Variants in CNTN4 observed in about 807,000 individuals in gnomAD.
The protein encoded by CNTN4 is contactin 4, also known as contactin-4.
CNTN4 carries 77 observed loss-of-function variants against 122.5 expected under a neutral mutation model. That is an observed-to-expected ratio of 0.63 (90% confidence interval 0.52 to 0.76). The LOEUF is 0.76. Ranked by LOEUF, CNTN4 falls within the 30% of genes least tolerant of loss-of-function variation. The pLI is 0.00. For synonymous variants in CNTN4, 512 were observed against 447.0 expected (o/e 1.15, Z -1.83); for missense variants, 1,256 against 1,259.1 (o/e 1.00, Z 0.04).
chr3:2,103,918 A>C (rs73804666), intron 2 of CNTN4, among the ~76,000 whole-genome samples: 1,932 of 152,288 alleles, frequency 0.013, 43 homozygotes, highest in African/African-American at 0.044. Context: ...CAGTGGCTGC[A>C]GTGGAAATGT....
chr3:2,170,181 C>CATA (rs1456702542), intron 2 of CNTN4, among the ~76,000 whole-genome samples: 4 of 138,060 alleles, frequency 2.9e-5, no homozygotes, highest in Non-Finnish European at 6.1e-5. Flanking sequence ...ATTAGCCGGG[C>CATA]GTGGTGGCGG....
At position 2,745,641 on chromosome 3, in the gene CNTN4, C is replaced by T; in HGVS notation, c.302C>T (p.Thr101Ile). 6.2e-7 allele frequency: 1 copy of T among 1,614,080 alleles called. No homozygotes were observed. Among genetic ancestry groups the T allele is most frequent in the Non-Finnish European group, 8.5e-7 (1 of 1,179,956 alleles). Reference sequence around the variant, plus strand: ...CAAGATGCTGGAACGTACCAGTGCACAGCGACAAACTCGTTTGGAACAATT... The same window carrying T: ...CAAGATGCTGGAACGTACCAGTGCATAGCGACAAACTCGTTTGGAACAATT... ...KTQDAGTYQC[T>I]ATNSFGTIVS... Residue 101 changes from threonine to isoleucine, a missense_variant, in exon 6 of 25, where the codon ACA (threonine) becomes ATA (isoleucine). Physicochemically the swap from Thr to Ile is moderately conservative, Grantham distance 89. Coordinates refer to ENST00000418658, the MANE Select transcript of CNTN4 (RefSeq NM_175607.3).
chr3:2,147,801 A>G (rs1262309656), intron 2 of CNTN4, among the ~76,000 whole-genome samples: 3 of 152,168 alleles, frequency 2.0e-5, no homozygotes, highest in African/African-American at 4.8e-5. Context: ...TGCTTTGATC[A>G]GACAAGATGG....
intron 7 of CNTN4, among the ~76,000 whole-genome samples, chr3:2,828,435 T>A (rs2093033376): frequency 6.6e-6 from 1 of 152,194 alleles, no homozygotes; most frequent in Non-Finnish European, 1.5e-5. Context: ...GATCTCGTCA[T>A]CTGGTCTTGG....
rs370244039 is a variant in CNTN4, at chr3:2,239,060, G to C, written c.-144-100118G>C. On this transcript the variant is annotated intron_variant, in intron 2 of 24. Coordinates refer to ENST00000418658, the MANE Select transcript of CNTN4 (RefSeq NM_175607.3). ...TTTATTAGAAAAATTCTCAATCGTC[G>C]TCTTTTAAGTGAGTCAACCTAATAC... 133 of 152,016 alleles carry C rather than the reference G, an allele frequency of 8.7e-4. 2 individuals are homozygous for C. The highest frequency in any genetic ancestry group is 3.1e-3 in the African/African-American group (129 of 41,478). 9.4% of individuals were successfully genotyped at this position (152,016 alleles called of 1,614,324 possible).
chr3:2,260,756 C>T (rs985429825), intron 2 of CNTN4, among the ~76,000 whole-genome samples: 6 of 149,274 alleles, frequency 4.0e-5, no homozygotes, highest in Non-Finnish European at 8.9e-5. Context: ...ACAAGAGTCT[C>T]GCTCTCTGTC....
chr3:2,852,063 C>T (rs1440040847), intron 7 of CNTN4, among the ~76,000 whole-genome samples: 1 of 152,110 alleles, frequency 6.6e-6, no homozygotes, highest in Non-Finnish European at 1.5e-5. Flanking sequence ...GGCTGCACTC[C>T]CAGTTTCTTC....
rs144149867 is a variant in CNTN4 at position 2,254,644 on chromosome 3, T to C, written c.-144-84534T>C. Reference sequence around the variant, plus strand: ...ATTTGCATTCTCTAATGACCAGGGATGATGAGCGTTTTTTCATATGTTTCT... The same window carrying C: ...ATTTGCATTCTCTAATGACCAGGGACGATGAGCGTTTTTTCATATGTTTCT... On this transcript the variant is annotated intron_variant, in intron 2 of 24. Transcript: ENST00000418658. Among the ~76,000 whole-genome samples the C allele has an allele frequency of 2.6e-3, 402 of 152,336 alleles. 1 individual carries two copies. The highest frequency in any genetic ancestry group is 9.4e-3 in the African/African-American group (392 of 41,574).
chr3:2,386,504 A>G (rs1000473599), intron 3 of CNTN4, among the ~76,000 whole-genome samples: 1 of 152,196 alleles, frequency 6.6e-6, no homozygotes, highest in Non-Finnish European at 1.5e-5. Context: ...TGTTTGCAAT[A>G]TGTGTTTACA....
intron 14 of CNTN4, among the ~76,000 whole-genome samples, chr3:3,013,107 ATCTCAT>A (rs1455027158): frequency 6.6e-6 from 1 of 152,130 alleles, no homozygotes; most frequent in Non-Finnish European, 1.5e-5. Flanking sequence ...TAATAATAGT[ATCTCAT>A]ACTCTGTAGC....
intron 3 of CNTN4, among the ~76,000 whole-genome samples, chr3:2,452,044 A>C (rs1430713463): frequency 6.6e-6 from 1 of 152,174 alleles, no homozygotes; most frequent in African/African-American, 2.4e-5. Flanking sequence ...GTAGCCTGCA[A>C]ATCAGGTACA....
intron 6 of CNTN4, among the ~76,000 whole-genome samples, chr3:2,780,154 AGTT>A (rs2091510932): frequency 6.6e-6 from 1 of 152,248 alleles, no homozygotes; most frequent in African/African-American, 2.4e-5. Context: ...AGATAAAACT[AGTT>A]GTCCTGCAAA....
intron 2 of CNTN4, among the ~76,000 whole-genome samples, chr3:2,206,525 G>C (rs919747562): frequency 1.3e-5 from 2 of 151,636 alleles, no homozygotes; most frequent in African/African-American, 2.4e-5. Context: ...AAAATAAGAA[G>C]ACATATTTGG....
At chr3:2,547,230 A>ATATTTATTTATT (rs34165597) in intron 3 of CNTN4, among the ~76,000 whole-genome samples, 1 of 144,244 alleles carries the variant, frequency 6.9e-6, no homozygotes, top group African/African-American at 2.6e-5. Context: ...GTTTTGTATG[A>ATATTTATTTATT]TATTTATTTA....
At chr3:2,856,914 C>T (rs1299451737) in intron 7 of CNTN4, among the ~76,000 whole-genome samples, 1 of 152,220 alleles carries the variant, frequency 6.6e-6, no homozygotes, top group East Asian at 1.9e-4. Context: ...AAGGACATGA[C>T]TCAAAGCTGC....
chr3:2,514,296 G>T (rs1212102894), intron 3 of CNTN4, among the ~76,000 whole-genome samples: 1 of 152,088 alleles, frequency 6.6e-6, no homozygotes, highest in East Asian at 1.9e-4. Flanking sequence ...CAGCCACTGT[G>T]AAGCAAGGAA....
chr3:2,329,896 A>G (rs1436338246), intron 2 of CNTN4, among the ~76,000 whole-genome samples: 1 of 152,184 alleles, frequency 6.6e-6, no homozygotes, highest in African/African-American at 2.4e-5. Context: ...CTTTTTGACC[A>G]GATGTGTGGG....
At chr3:2,785,519 CA>C (rs1410868948) in intron 6 of CNTN4, among the ~76,000 whole-genome samples, 2 of 152,182 alleles carry the variant, frequency 1.3e-5, no homozygotes, top group Non-Finnish European at 2.9e-5. Context: ...ACAACACATC[CA>C]GAAATAATGT....
At chr3:2,312,665 T>A (rs1361505803) in intron 2 of CNTN4, among the ~76,000 whole-genome samples, 2 of 152,128 alleles carry the variant, frequency 1.3e-5, no homozygotes, top group East Asian at 3.9e-4. Flanking sequence ...TACTTGTGCT[T>A]TTTGAAACTA....
Sources: gnomAD v4.1 joint callset for allele counts (sites outside exome capture counted in the v4.1 genomes callset) on GRCh38, gnomAD v4.1.1 for gene constraint, MANE v1.5 for transcripts, NCBI Gene and HGNC (gene_info 2026-07-23, HGNC 2026-07-21) for gene names.